TATDN2: variants seen among roughly 807,000 people sequenced by gnomAD.
The protein encoded by TATDN2 is 3'-5' RNA nuclease TATDN2.
A neutral mutation model predicts 60.3 loss-of-function variants in TATDN2; 44 were observed. The observed-to-expected ratio is 0.73, with a 90% CI of 0.57 to 0.94. The LOEUF (loss-of-function observed/expected upper bound fraction) is 0.94. TATDN2 is among the 40% of genes least tolerant of loss of function. The probability of loss-of-function intolerance (pLI) is 0.00; values close to 1 mark genes in which losing one functional copy is unlikely to be tolerated. For missense variants in TATDN2, 997 were observed against 948.0 expected, an observed-to-expected ratio of 1.05 and a Z score of -0.68; for synonymous variants, 399 against 355.8, an observed-to-expected ratio of 1.12 and a Z score of -1.37.
At chr3:10,279,185 T>G in intron 7 of TATDN2, 36 bp from the exon 8 acceptor site, 1 of 974,256 alleles carries the variant, frequency 1.0e-6, no homozygotes, top group East Asian at 2.7e-5. Flanking sequence ...AGTGACATGG[T>G]TTGGAACCTT....
intron 2 of TATDN2, among the ~76,000 whole-genome samples, chr3:10,258,153 A>G (rs1348037816): frequency 6.6e-6 from 1 of 151,332 alleles, no homozygotes; most frequent in Non-Finnish European, 1.5e-5. Flanking sequence ...TAGGTTTATG[A>G]TTGTTTTAAG....
intron 4 of TATDN2, among the ~76,000 whole-genome samples, chr3:10,273,159 G>C (rs906566420): frequency 6.6e-6 from 1 of 152,220 alleles, no homozygotes; most frequent in Non-Finnish European, 1.5e-5. Flanking sequence ...GGCTTGGTGA[G>C]ATTTGACTCA....
At position 10,256,614 on chromosome 3, in the gene TATDN2, C is replaced by A. The variant is rs929346266; in HGVS notation, c.415-3523C>A. Reference sequence around the variant, plus strand: ...TATTTCTGGTTTTACTTGAAAGAAACAGAATCTCTAACTCTGATTCTCTAC... The same window carrying A: ...TATTTCTGGTTTTACTTGAAAGAAAAAGAATCTCTAACTCTGATTCTCTAC... On this transcript the variant is annotated intron_variant, in intron 2 of 7. Transcript: ENST00000448281. Among the ~76,000 whole-genome samples the A allele has an allele frequency of 3.3e-5, 5 of 152,072 alleles. No individual in the cohort carries two copies. In the South Asian group the frequency reaches 1.0e-3, roughly 31 times the overall value.
chr3:10,249,740 T>C, intron 2 of TATDN2, 126 bp downstream of exon 2: 1 of 1,160,946 alleles, frequency 8.6e-7, no homozygotes, highest in Non-Finnish European at 1.1e-6. Flanking sequence ...AAGGTCTTTC[T>C]AGAAGTCCAC....
chr3:10,251,948 A>ACTACCCTG (rs989125566), intron 2 of TATDN2, among the ~76,000 whole-genome samples: 8 of 150,982 alleles, frequency 5.3e-5, no homozygotes, highest in Non-Finnish European at 1.2e-4. Context: ...GGAGATTGAG[A>ACTACCCTG]CTACCCTGGC....
intron 2 of TATDN2, among the ~76,000 whole-genome samples, chr3:10,254,422 C>T (rs925801465): frequency 1.3e-5 from 2 of 152,174 alleles, no homozygotes; most frequent in African/African-American, 2.4e-5. Flanking sequence ...GTGCTTGGGG[C>T]ACTGCTGGCC....
chr3:10,267,700 T>A (rs1484342053), intron 3 of TATDN2, among the ~76,000 whole-genome samples: 1 of 152,242 alleles, frequency 6.6e-6, no homozygotes, highest in Non-Finnish European at 1.5e-5. Flanking sequence ...AGTCATCATA[T>A]CACATTGAGG....
chr3:10,256,036 T>C (rs889717323), intron 2 of TATDN2, among the ~76,000 whole-genome samples: 1 of 152,250 alleles, frequency 6.6e-6, no homozygotes, highest in African/African-American at 2.4e-5. Context: ...TTTCTTATTT[T>C]GTTTTTCTCC....
chr3:10,262,057 C>T (rs1698414363), intron 3 of TATDN2, among the ~76,000 whole-genome samples: 1 of 152,126 alleles, frequency 6.6e-6, no homozygotes, highest in East Asian at 1.9e-4. Context: ...CTTTGTTTTT[C>T]CTTTGGTTTT....
intron 4 of TATDN2, among the ~76,000 whole-genome samples, chr3:10,271,858 A>G (rs1576015179): frequency 6.6e-6 from 1 of 152,008 alleles, no homozygotes; most frequent in East Asian, 1.9e-4. Context: ...CCTCCCGAGT[A>G]GCTGAGACTG....
chr3:10,278,113 T>A lies in TATDN2; in HGVS notation c.1962-166T>A, dbSNP rs1163266626. On this transcript the variant is annotated intron_variant, in intron 5 of 7. Transcript: ENST00000448281. This position sits in a 1 kb window ranked among gnomAD's most constrained non-coding sequence, Gnocchi z 4.7. The stretch of plus-strand genomic sequence containing the variant: ...ACTCACCAAGTGCCATCTCGGGGCT[T>A]CCTGTGTTGGAGCCAGCCCTTGTCT... Among the ~76,000 whole-genome samples, 3 of 152,138 alleles carry A rather than the reference T, an allele frequency of 2.0e-5. No homozygotes were observed. Among genetic ancestry groups the A allele is most frequent in the Admixed American group, 2.0e-4 (3 of 15,276 alleles).
At chr3:10,267,288 T>C (rs995871810) in intron 3 of TATDN2, among the ~76,000 whole-genome samples, 1 of 151,738 alleles carries the variant, frequency 6.6e-6, no homozygotes, top group Admixed American at 6.6e-5. Flanking sequence ...AAAAAAAATC[T>C]GAAAACATTT....
chr3:10,249,637 A>G, intron 2 of TATDN2, 23 bp downstream of exon 2: 1 of 1,502,114 alleles, frequency 6.7e-7, no homozygotes. Context: ...CACGCTTTGC[A>G]ATCGGTGAAG....
intron 2 of TATDN2, among the ~76,000 whole-genome samples, chr3:10,256,756 AG>A (rs1003745620): frequency 1.3e-5 from 2 of 151,920 alleles, no homozygotes; most frequent in African/African-American, 4.8e-5. Flanking sequence ...GCGGGAGCAG[AG>A]GGCAGGGGTG....
chr3:10,263,052 C>T (rs1454490996), intron 3 of TATDN2, among the ~76,000 whole-genome samples: 1 of 152,158 alleles, frequency 6.6e-6, no homozygotes, highest in Admixed American at 6.5e-5. Context: ...AGGCATGTGC[C>T]ACCACACCCG....
At chr3:10,251,595 A>T (rs780034930) in intron 2 of TATDN2, among the ~76,000 whole-genome samples, 20 of 152,090 alleles carry the variant, frequency 1.3e-4, no homozygotes, top group Non-Finnish European at 1.9e-4. Context: ...CTTGTTGGCC[A>T]GGCTGGTCTC....
intron 2 of TATDN2, among the ~76,000 whole-genome samples, chr3:10,255,922 G>A (rs542625177): frequency 2.0e-5 from 3 of 152,300 alleles, no homozygotes; most frequent in East Asian, 3.9e-4. Flanking sequence ...CGGCCTGGGC[G>A]ACAGAGTGAG....
rs2125174377 is a variant in TATDN2, at chr3:10,260,221, C to A, written c.499C>A (p.Pro167Thr). 2 of 1,614,066 alleles carry A rather than the reference C, an allele frequency of 1.2e-6. No individual in the cohort carries two copies. The highest frequency in any genetic ancestry group is 1.1e-5 in the South Asian group (1 of 91,082). Residue 167 changes from proline (P) to threonine (T), a missense_variant, in exon 3 of 8, where the codon CCC becomes ACC. Physicochemically the swap from Pro to Thr is conservative, Grantham distance 38. Coordinates refer to ENST00000448281, the MANE Select transcript of TATDN2 (RefSeq NM_014760.4). The part of the protein sequence containing the change: ...AEGQNDTIEE[P>T]NKVQKRKRDR... ...GGGTCAGAATGATACAATTGAGGAACCCAACAAGGTCCAGAAAAGGAAGAG... is the reference window on the plus strand; with the variant it reads ...GGGTCAGAATGATACAATTGAGGAAACCAACAAGGTCCAGAAAAGGAAGAG...
At chr3:10,268,914 A>G (rs939842198) in intron 3 of TATDN2, among the ~76,000 whole-genome samples, 3 of 152,200 alleles carry the variant, frequency 2.0e-5, no homozygotes, top group Admixed American at 2.0e-4. Context: ...CACTATTACT[A>G]GTTAGTAGCT....
Sources: gnomAD v4.1 joint callset for allele counts (sites outside exome capture counted in the v4.1 genomes callset) on GRCh38, gnomAD v4.1.1 for gene constraint, Gnocchi (gnomAD v3.1) non-coding constraint, MANE v1.5 for transcripts, NCBI Gene and HGNC (gene_info 2026-07-23, HGNC 2026-07-21) for gene names.